MLIP: variants seen among roughly 807,000 people sequenced by gnomAD.
MLIP encodes muscular LMNA interacting protein, also known as muscular LMNA-interacting protein.
Under a neutral mutation model 84.8 loss-of-function variants are expected in MLIP, and 79 were observed. The ratio of observed to expected loss-of-function variants is 0.93; its 90% CI spans 0.78 to 1.12. The LOEUF (loss-of-function observed/expected upper bound fraction) is 1.12. Ranked by LOEUF, MLIP falls within the 50% of genes most tolerant of loss-of-function variation. The probability of loss-of-function intolerance (pLI) is 0.00; values close to 1 mark genes in which losing one functional copy is unlikely to be tolerated. For missense variants in MLIP, 1,257 were observed against 1,160.6 expected, an observed-to-expected ratio of 1.08 and a Z score of -1.21; for synonymous variants, 504 against 463.0, an observed-to-expected ratio of 1.09 and a Z score of -1.14.
chr6:54,082,215 T>C (rs1189932492), intron 1 of MLIP, among the ~76,000 whole-genome samples: 1 of 152,200 alleles, frequency 6.6e-6, no homozygotes, highest in Non-Finnish European at 1.5e-5. Context: ...GGAATGAATA[T>C]ATTATATTTA....
At chr6:54,149,157 T>C (rs777672504) in intron 5 of MLIP, 30 bp downstream of exon 5, 10 of 1,572,648 alleles carry the variant, frequency 6.4e-6, no homozygotes, top group Non-Finnish European at 8.7e-6. Context: ...CAGTGAATTT[T>C]ACATTTTTAA....
intron 4 of MLIP, among the ~76,000 whole-genome samples, chr6:54,147,289 A>C (rs558253023): frequency 1.3e-5 from 2 of 152,306 alleles, no homozygotes; most frequent in Non-Finnish European, 1.5e-5. Flanking sequence ...GCTTTTCTTA[A>C]TAACTGTCTA....
chr6:54,036,958 T>A (rs1218241290), intron 1 of MLIP, among the ~76,000 whole-genome samples: 1 of 152,046 alleles, frequency 6.6e-6, no homozygotes, highest in Non-Finnish European at 1.5e-5. Context: ...CACATATACC[T>A]TCTTGGGAAC....
At chr6:54,113,270 TC>T (rs1271591550) in intron 1 of MLIP, among the ~76,000 whole-genome samples, 1 of 152,200 alleles carries the variant, frequency 6.6e-6, no homozygotes, top group African/African-American at 2.4e-5. Context: ...TATCTTTATT[TC>T]TTACTCAAAT....
chr6:54,121,013 C>T (rs112535803), intron 1 of MLIP, among the ~76,000 whole-genome samples: 4 of 152,216 alleles, frequency 2.6e-5, no homozygotes, highest in African/African-American at 9.6e-5. Flanking sequence ...GGCATTCTTG[C>T]TAACGATAAA....
intron 1 of MLIP, chr6:54,045,346 C>T (rs201057989): frequency 2.8e-5 from 4 of 142,038 alleles, no homozygotes; most frequent in Non-Finnish European, 4.6e-5. Flanking sequence ...GACTCCTTTT[C>T]AAAAAAAAAA....
intron 11 of MLIP, chr6:54,215,584 A>C: frequency 1.5e-5 from 3 of 199,164 alleles, no homozygotes; most frequent in South Asian, 1.5e-4. Flanking sequence ...TGTAACTATT[A>C]ATGTACTAGT....
At chr6:54,144,214 C>T (rs941004958) in intron 4 of MLIP, among the ~76,000 whole-genome samples, 1 of 152,068 alleles carries the variant, frequency 6.6e-6, no homozygotes, top group Non-Finnish European at 1.5e-5. Flanking sequence ...GGACTGATGT[C>T]AGGGAGATTC....
At chr6:54,109,384 ACT>A (rs1474447713), upstream of MLIP, among the ~76,000 whole-genome samples, 1 of 152,092 alleles carries the variant, frequency 6.6e-6, no homozygotes, top group Non-Finnish European at 1.5e-5. Context: ...CCTCACAAGA[ACT>A]CTGTGAAATG....
intron 1 of MLIP, among the ~76,000 whole-genome samples, chr6:54,094,752 G>A (rs895831317): frequency 6.6e-6 from 1 of 152,000 alleles, no homozygotes; most frequent in African/African-American, 2.4e-5. Flanking sequence ...CCCCAAATGT[G>A]TCTTAAAGTA....
intron 1 of MLIP, among the ~76,000 whole-genome samples, chr6:54,027,681 A>G (rs1763899813): frequency 1.3e-5 from 2 of 152,126 alleles, no homozygotes; most frequent in African/African-American, 4.8e-5. Context: ...GAACCCAGGG[A>G]GGGGAGCTGA....
chr6:54,174,161 T>C (rs933260745), intron 9 of MLIP, among the ~76,000 whole-genome samples: 2 of 151,990 alleles, frequency 1.3e-5, no homozygotes, highest in Admixed American at 6.6e-5. Context: ...AGGTTGCTTC[T>C]AAATCTTAGA....
chr6:54,260,771 T>C (rs1783328601), intron 13 of MLIP, among the ~76,000 whole-genome samples: 2 of 152,150 alleles, frequency 1.3e-5, no homozygotes, highest in South Asian at 4.1e-4. Context: ...ATTTCATTAG[T>C]AAAATTTAAT....
chr6:54,145,706 T>C (rs1277855904), intron 4 of MLIP, among the ~76,000 whole-genome samples: 3 of 151,812 alleles, frequency 2.0e-5, no homozygotes, highest in African/African-American at 7.2e-5. Flanking sequence ...AGCTCAGGAG[T>C]TAGAGGCTGT....
rs1766333079 is a variant in MLIP at position 54,068,665 on chromosome 6, C to A, written c.63+49574C>A. ...ATAATGAAGTACTTTCTGTCAGACACTTTAAACAACAGTCTTAAGCACTTT... is the reference window on the plus strand; with the variant it reads ...ATAATGAAGTACTTTCTGTCAGACAATTTAAACAACAGTCTTAAGCACTTT... On this transcript the variant is annotated intron_variant, in intron 1 of 12. Coordinates refer to the MLIP transcript ENST00000274897. Among the ~76,000 whole-genome samples the A allele has an allele frequency of 2.0e-5, 2 of 101,352 alleles. 1 individual carries two copies. The highest frequency in any genetic ancestry group is 5.2e-4 in the East Asian group (2 of 3,814). 66.5% of individuals were successfully genotyped at this position (101,352 alleles called of 152,430 possible).
At chr6:54,180,953 A>T (rs1405539445) in intron 9 of MLIP, among the ~76,000 whole-genome samples, 1 of 152,082 alleles carries the variant, frequency 6.6e-6, no homozygotes, top group African/African-American at 2.4e-5. Context: ...TGTAGTCTAG[A>T]CAGTCTGGGC....
intron 11 of MLIP, among the ~76,000 whole-genome samples, chr6:54,229,226 G>A (rs538705048): frequency 2.0e-5 from 3 of 152,214 alleles, no homozygotes; most frequent in East Asian, 1.9e-4. Context: ...ATTCAGTAAC[G>A]TGTCTTGGTA....
At chr6:54,142,759 A>G (rs1045183955) in intron 4 of MLIP, among the ~76,000 whole-genome samples, 1 of 152,238 alleles carries the variant, frequency 6.6e-6, no homozygotes, top group African/African-American at 2.4e-5. Flanking sequence ...GGGAGAACTT[A>G]GAAGTCTATT....
intron 1 of MLIP, among the ~76,000 whole-genome samples, chr6:54,102,564 C>CAAAGTGACACTTT (rs1420428102): frequency 6.6e-6 from 1 of 152,130 alleles, no homozygotes; most frequent in East Asian, 1.9e-4. Context: ...GGTATATCTT[C>CAAAGTGACACTTT]AAAGTGACAC....
Sources: gnomAD v4.1 joint callset for allele counts (sites outside exome capture counted in the v4.1 genomes callset) on GRCh38, gnomAD v4.1.1 for gene constraint, MANE v1.5 for transcripts, NCBI Gene and HGNC (gene_info 2026-07-23, HGNC 2026-07-21) for gene names.